The following POLD1 variants were observed in gnomAD, a reference collection of about 807,000 sequenced individuals.
POLD1 encodes DNA polymerase delta catalytic subunit.
POLD1 carries 79 observed loss-of-function variants against 129.7 expected under a neutral mutation model. That is an observed-to-expected ratio of 0.61 (90% CI 0.51 to 0.73). POLD1 has a LOEUF of 0.73. Ranked by LOEUF, POLD1 falls within the 30% of genes least tolerant of loss-of-function variation. POLD1 has a pLI of 0.00. For missense variants in POLD1, 1,338 were observed against 1,595.8 expected, an observed-to-expected ratio of 0.84 and a Z score of 2.75; for synonymous variants, 714 against 683.3, an observed-to-expected ratio of 1.04 and a Z score of -0.70.
Position 50,413,811 on chromosome 19 carries a change from C to G in POLD1, c.2320C>G (p.Leu774Val), listed in dbSNP as rs1197236198. 1.2e-6 allele frequency: 2 copies of G among 1,612,592 alleles called. No individual in the cohort carries two copies. The highest frequency in any genetic ancestry group is 1.7e-6 in the Non-Finnish European group (2 of 1,179,626). ...GTCCTCGGTGGCTGAGGCGATGGCC[C>G]TGGGGCGGGAGGCCGCGGACTGGGT... The part of the protein sequence containing the change: ...GVSSVAEAMA[L>V]GREAADWVSG... The change falls in exon 19 of 27, where the codon CTG becomes GTG. Residue 774 changes from leucine (L) to valine (V), a missense_variant. Coordinates refer to ENST00000440232, the MANE Select transcript of POLD1 (RefSeq NM_002691.4).
rs1381279026 is a variant in POLD1 at position 50,407,073 on chromosome 19, C to T, written c.1585C>T (p.Leu529=). The T allele has an allele frequency of 6.2e-7, 1 of 1,613,700 alleles. No individual in the cohort carries two copies. Among genetic ancestry groups the T allele is most frequent in the African/African-American group, 1.3e-5 (1 of 74,924 alleles). ...PLRLLERLMV[L]VNAVEMARVT... Reference sequence around the variant, plus strand: ...GCGGCTGCTGGAGCGGCTCATGGTGCTGGTGAACGCCGTGGAGATGGCGAG... The same window carrying T: ...GCGGCTGCTGGAGCGGCTCATGGTGTTGGTGAACGCCGTGGAGATGGCGAG... The change falls in exon 13 of 27, where the codon CTG becomes TTG. Residue 529 remains leucine, a synonymous_variant. Transcript: ENST00000440232.
chr19:50,405,975 C>G (rs556629329), intron 10 of POLD1, among the ~76,000 whole-genome samples: 3 of 152,286 alleles, frequency 2.0e-5, no homozygotes, highest in African/African-American at 7.2e-5. Flanking sequence ...GCTATCCCAG[C>G]CTTGGCTGCA....
rs373417188 is a variant in POLD1, at chr19:50,385,521, C to T, written c.-2+1131C>T. 8.1e-3 allele frequency among the ~76,000 whole-genome samples: 1,167 copies of T among 144,452 alleles called. 13 individuals are homozygous for T. The highest frequency in any genetic ancestry group is 0.03 in the African/African-American group (1,117 of 37,214). The allele number at this position is 144,452 out of a possible 152,430, so 94.8% of individuals were successfully genotyped here. On this transcript the variant is annotated intron_variant, in intron 1 of 26. Transcript: ENST00000440232. The stretch of plus-strand genomic sequence containing the variant: ...CACTGAAGGAACTTGTTGCCACTGT[C>T]TTCTCTTTTTTTTTTTTTTTTTTTT...
rs777958191 is a variant in POLD1 at position 50,417,920 on chromosome 19, C to T, written c.3297C>T (p.Phe1099=). ...LEDQEQLLRR[F]GPPGPEAW is the part of the protein sequence containing the mutation. ...ACCAGGAGCAGCTCCTGCGGCGCTT[C>T]GGACCCCCTGGACCTGAGGCCTGGT... Residue 1099 remains phenylalanine (F), a synonymous_variant, in exon 27 of 27, where the codon TTC becomes TTT. Coordinates refer to ENST00000440232, the MANE Select transcript of POLD1 (RefSeq NM_002691.4). 1.2e-5 allele frequency: 19 copies of T among 1,610,656 alleles called. No homozygotes were observed. Among genetic ancestry groups the T allele is most frequent in the South Asian group, 3.3e-5 (3 of 90,396 alleles).
intron 1 of POLD1, among the ~76,000 whole-genome samples, chr19:50,385,786 C>T (rs1406849218): frequency 6.6e-6 from 1 of 152,086 alleles, no homozygotes; most frequent in African/African-American, 2.4e-5. Context: ...GCCTCGGCCT[C>T]CCAAAGTGCT....
chr19:50,400,159 T>TAAAA (rs2038533234), intron 3 of POLD1, among the ~76,000 whole-genome samples: 1 of 139,786 alleles, frequency 7.2e-6, no homozygotes, highest in Admixed American at 7.2e-5. Flanking sequence ...TTTTTTTTTT[T>TAAAA]TTGAGACAAG....
At chr19:50,416,025 A>T (rs1172580446) in intron 22 of POLD1, 199 bp downstream of exon 22, 7 of 572,912 alleles carry the variant, frequency 1.2e-5, no homozygotes, top group Middle Eastern at 4.6e-4. Context: ...TTGCTTCCCT[A>T]TGGAAGGGGC....
intron 3 of POLD1, among the ~76,000 whole-genome samples, 200 bp downstream of exon 3, chr19:50,399,684 A>G (rs1246723439): frequency 6.6e-6 from 1 of 152,204 alleles, no homozygotes; most frequent in Non-Finnish European, 1.5e-5. Context: ...GTGCGAAGCG[A>G]AGGTGACACA....
intron 1 of POLD1, 39 bp from the exon 2 acceptor site, chr19:50,398,812 C>T (rs2122192822): frequency 6.3e-7 from 1 of 1,593,432 alleles, no homozygotes; most frequent in Non-Finnish European, 8.5e-7. Context: ...AGAGGTGTCT[C>T]CGGTCAGAAC....
chr19:50,398,359 G>A (rs2038446340), intron 1 of POLD1, among the ~76,000 whole-genome samples: 1 of 151,972 alleles, frequency 6.6e-6, no homozygotes, highest in East Asian at 1.9e-4. Context: ...ATCACCTGAG[G>A]TCAGGAGTTC....
intron 1 of POLD1, 54 bp from the exon 2 acceptor site, chr19:50,398,797 G>T: frequency 6.4e-7 from 1 of 1,574,564 alleles, no homozygotes. Flanking sequence ...CATGGAGACA[G>T]GGTAAGAGGT....
chr19:50,406,096 ATGT>A lies in POLD1; in HGVS notation c.1243-82_1243-80del. 2.7e-6 allele frequency: 4 copies of A among 1,502,972 alleles called. No homozygotes were observed. Among genetic ancestry groups the A allele is most frequent in the Admixed American group, 1.8e-5 (1 of 56,902 alleles). 93.1% of individuals were successfully genotyped at this position (1,502,972 alleles called of 1,614,324 possible). Reference sequence around the variant, plus strand: ...TCGACCCCCTAGGGTTGTTATAAGGATGTTGTGGTTGGTCTCAATCTCCGTTCT... The same window carrying A: ...TCGACCCCCTAGGGTTGTTATAAGGATGTGGTTGGTCTCAATCTCCGTTCT... On this transcript the variant is annotated intron_variant, in intron 10 of 26. Coordinates refer to ENST00000440232, the MANE Select transcript of POLD1 (RefSeq NM_002691.4). This position sits in a 1 kb window ranked among gnomAD's most constrained non-coding sequence, Gnocchi z 5.5.
intron 1 of POLD1, among the ~76,000 whole-genome samples, chr19:50,385,528 T>C (rs1053211722): frequency 7.4e-5 from 7 of 94,226 alleles, no homozygotes; most frequent in East Asian, 2.7e-4. Context: ...TGTCTTCTCT[T>C]TTTTTTTTTT....
At chr19:50,402,970 C>T in intron 8 of POLD1, 83 bp from the exon 9 acceptor site, 1 of 1,505,844 alleles carries the variant, frequency 6.6e-7, no homozygotes, top group Non-Finnish European at 9.0e-7. Flanking sequence ...GGGGACAGCC[C>T]CGGGGAGATG....
chr19:50,407,180 T>C lies in POLD1; in HGVS notation c.1686+6T>C, dbSNP rs2038925676. ...TATCCCAGCTGTTGCGGCAGGTCAG[T>C]AGCCGAGACTTGTCCTCGCCACCCC... On this transcript the variant is annotated splice_donor_region_variant and intron_variant, in intron 13 of 26. Transcript: ENST00000440232. 3 of 1,594,364 alleles carry C rather than the reference T, an allele frequency of 1.9e-6. No individual in the cohort carries two copies. The highest frequency in any genetic ancestry group is 1.7e-4 in the Middle Eastern group (1 of 5,988).
chr19:50,416,931 CGTT>C, intron 24 of POLD1, 111 bp from the exon 25 acceptor site: 1 of 1,222,568 alleles, frequency 8.2e-7, no homozygotes, highest in South Asian at 1.5e-5. Context: ...ACACTTGCTC[CGTT>C]GTTCTCCAGC....
intron 13 of POLD1, 58 bp downstream of exon 13, chr19:50,407,232 C>T: frequency 6.4e-7 from 1 of 1,555,978 alleles, no homozygotes; most frequent in East Asian, 2.3e-5. Context: ...TGGCCCCCTC[C>T]AGGCAATGGC....
In POLD1 at chr19:50,399,432, C is replaced by G; in HGVS notation, c.264C>G (p.Asp88Glu). 1 of 1,614,118 alleles carries G rather than the reference C, an allele frequency of 6.2e-7. No homozygotes were observed. The highest frequency in any genetic ancestry group is 8.5e-7 in the Non-Finnish European group (1 of 1,179,926). The change falls in exon 3 of 27, where the codon GAC becomes GAG. Residue 88 changes from aspartate to glutamate, a missense_variant. Transcript: ENST00000440232. ...TTCGGCCCACACCACCAGCGCTGGA[C>G]CCCCAGACAGAGCCCCTCATCTTCC... ...RWLRPTPPALDPQTEPLIFQQ... is the reference protein window; with the variant it reads ...RWLRPTPPALEPQTEPLIFQQ...
rs2122316646 is a variant in POLD1 at position 50,406,203 on chromosome 19, G to T, written c.1264G>T (p.Gly422Cys). 1 of 1,613,836 alleles carries T rather than the reference G, an allele frequency of 6.2e-7. No individual in the cohort carries two copies. The highest frequency in any genetic ancestry group is 1.1e-5 in the South Asian group (1 of 91,074). The part of the protein sequence containing the change: ...TLKVQTFPFL[G>C]RVAGLCSNIR... ...TCAGGTACAAACATTCCCTTTCCTG[G>T]GCCGTGTGGCCGGCCTTTGCTCCAA... Residue 422 changes from glycine to cysteine, a missense_variant, in exon 11 of 27, where the codon GGC becomes TGC. Gly to Cys is a radical substitution (Grantham distance 159). Around this residue, in one of 3 missense-constraint regions of POLD1, gnomAD observed 720 missense variants for 1,002.6 expected, o/e 0.72. Coordinates refer to ENST00000440232, the MANE Select transcript of POLD1 (RefSeq NM_002691.4). This position sits in a 1 kb window ranked among gnomAD's most constrained non-coding sequence, Gnocchi z 5.5.
Sources: allele counts gnomAD v4.1 joint callset (sites outside exome capture counted in the v4.1 genomes callset), GRCh38; gene constraint gnomAD v4.1.1; regional missense constraint gnomAD v4.1.1; non-coding constraint Gnocchi (gnomAD v3.1); transcripts MANE v1.5; gene names NCBI Gene and HGNC (gene_info 2026-07-23, HGNC 2026-07-21).